Variants in NLGN1 observed in about 807,000 individuals in gnomAD.
NLGN1 encodes neuroligin-1.
A neutral mutation model predicts 65.5 loss-of-function variants in NLGN1; 12 were observed. The observed-to-expected ratio is 0.18, with a 90% confidence interval of 0.12 to 0.30. The LOEUF (loss-of-function observed/expected upper bound fraction) is 0.30. NLGN1 is among the 10% of genes least tolerant of loss of function. The pLI, the probability that NLGN1 is intolerant of heterozygous loss-of-function variation, is 1.00. For missense variants in NLGN1, 750 were observed against 1,007.1 expected, an observed-to-expected ratio of 0.74 and a Z score of 3.46; for synonymous variants, 350 against 359.5, an observed-to-expected ratio of 0.97 and a Z score of 0.30.
intron 4 of NLGN1, among the ~76,000 whole-genome samples, chr3:173,863,007 AGT>A (rs2150816423): frequency 6.6e-6 from 1 of 152,310 alleles, no homozygotes; most frequent in African/African-American, 2.4e-5. Flanking sequence ...GGTGGTATAT[AGT>A]AGTTGTGCTA....
chr3:173,738,099 T>A (rs180826454), intron 3 of NLGN1, among the ~76,000 whole-genome samples: 197 of 152,186 alleles, frequency 1.3e-3, no homozygotes, highest in African/African-American at 4.2e-3. Flanking sequence ...AATTTTTTTT[T>A]AAATTTTTAT....
intron 4 of NLGN1, among the ~76,000 whole-genome samples, chr3:174,182,309 G>T (rs1730595320): frequency 6.6e-6 from 1 of 152,138 alleles, no homozygotes; most frequent in African/African-American, 2.4e-5. Flanking sequence ...AATGCTTAAA[G>T]TAACACTCCC....
At chr3:173,641,322 T>C (rs1757379871) in intron 3 of NLGN1, among the ~76,000 whole-genome samples, 1 of 152,166 alleles carries the variant, frequency 6.6e-6, no homozygotes, top group Admixed American at 6.5e-5. Flanking sequence ...TTATTATTAT[T>C]ATTATTTTTT....
At chr3:173,830,131 A>G (rs998319377) in intron 4 of NLGN1, among the ~76,000 whole-genome samples, 1 of 152,140 alleles carries the variant, frequency 6.6e-6, no homozygotes, top group Non-Finnish European at 1.5e-5. Flanking sequence ...TCTTTTTAAT[A>G]TAGCAATCTA....
intron 4 of NLGN1, among the ~76,000 whole-genome samples, chr3:174,219,193 T>A (rs1738188020): frequency 6.6e-6 from 1 of 151,940 alleles, no homozygotes; most frequent in African/African-American, 2.4e-5. Flanking sequence ...CACCCTGGAG[T>A]AGGAACCAGG....
chr3:174,111,859 A>T (rs1190312369), intron 4 of NLGN1, among the ~76,000 whole-genome samples: 1 of 152,008 alleles, frequency 6.6e-6, no homozygotes, highest in Non-Finnish European at 1.5e-5. Flanking sequence ...AAAGTATGCC[A>T]TGAAGCAAGG....
At chr3:173,958,755 C>T (rs2152342984) in intron 4 of NLGN1, among the ~76,000 whole-genome samples, 1 of 152,324 alleles carries the variant, frequency 6.6e-6, no homozygotes, top group African/African-American at 2.4e-5. Flanking sequence ...TGTTTGCCTC[C>T]TGCCATTGTT....
chr3:173,873,916 T>G (rs538919457), intron 4 of NLGN1, among the ~76,000 whole-genome samples: 39 of 152,276 alleles, frequency 2.6e-4, no homozygotes, highest in Non-Finnish European at 4.9e-4. Flanking sequence ...AGGTCATATG[T>G]GTAGGCTCTA....
At chr3:173,979,348 T>C (rs1718257473) in intron 4 of NLGN1, among the ~76,000 whole-genome samples, 1 of 152,026 alleles carries the variant, frequency 6.6e-6, no homozygotes, top group Non-Finnish European at 1.5e-5. Context: ...ATCCAAGGAA[T>C]AGGGAAATAT....
chr3:174,065,002 T>C (rs1483825843), intron 4 of NLGN1, among the ~76,000 whole-genome samples: 4 of 151,738 alleles, frequency 2.6e-5, no homozygotes, highest in Admixed American at 6.6e-5. Context: ...CAATGAGGTG[T>C]CAAGTATTTT....
chr3:173,822,710 T>C (rs994946880), intron 4 of NLGN1, among the ~76,000 whole-genome samples: 1 of 152,082 alleles, frequency 6.6e-6, no homozygotes, highest in Non-Finnish European at 1.5e-5. Context: ...TCTGAATCAA[T>C]GGGTTTGAAT....
At chr3:174,211,458 C>A (rs867670842) in intron 4 of NLGN1, among the ~76,000 whole-genome samples, 1 of 151,720 alleles carries the variant, frequency 6.6e-6, no homozygotes, top group Non-Finnish European at 1.5e-5. Context: ...TACAGAGTGT[C>A]GGTTGTTGCA....
intron 4 of NLGN1, among the ~76,000 whole-genome samples, chr3:173,846,385 C>T (rs1479995889): frequency 3.3e-5 from 5 of 152,062 alleles, no homozygotes; most frequent in African/African-American, 1.2e-4. Flanking sequence ...TGGGACATTT[C>T]TGAGGGACAT....
At chr3:173,877,194 G>T (rs73182623) in intron 4 of NLGN1, among the ~76,000 whole-genome samples, 20,346 of 152,100 alleles carry the variant, frequency 0.13, 2,009 homozygotes, top group East Asian at 0.42. Context: ...TTAATTACTA[G>T]TACATAATAT....
At chr3:173,729,360 T>G (rs190956032) in intron 3 of NLGN1, among the ~76,000 whole-genome samples, 2 of 152,242 alleles carry the variant, frequency 1.3e-5, no homozygotes, top group African/African-American at 4.8e-5. Flanking sequence ...TTAGACTCCT[T>G]GGTCTTCTGT....
At chr3:173,673,175 T>C (rs1176858710) in intron 3 of NLGN1, among the ~76,000 whole-genome samples, 1 of 152,184 alleles carries the variant, frequency 6.6e-6, no homozygotes, top group Non-Finnish European at 1.5e-5. Context: ...ATCAGAATGG[T>C]ATTTTCTTGA....
At chr3:173,938,931 T>A (rs1470560184) in intron 4 of NLGN1, among the ~76,000 whole-genome samples, 5 of 152,188 alleles carry the variant, frequency 3.3e-5, no homozygotes, top group Admixed American at 6.5e-5. Flanking sequence ...GAGATATAAT[T>A]TGGGGTGAAA....
chr3:173,570,308 G>A (rs1744436455), intron 2 of NLGN1, among the ~76,000 whole-genome samples: 1 of 152,190 alleles, frequency 6.6e-6, no homozygotes, highest in African/African-American at 2.4e-5. Context: ...AAAGAGCAAG[G>A]TGGATTTGAA....
intron 4 of NLGN1, among the ~76,000 whole-genome samples, chr3:174,120,471 C>A (rs1717531323): frequency 6.6e-6 from 1 of 151,938 alleles, no homozygotes; most frequent in Non-Finnish European, 1.5e-5. Flanking sequence ...CATGCCACTG[C>A]ACCCCAGCCT....
Sources: allele counts gnomAD v4.1 joint callset (sites outside exome capture counted in the v4.1 genomes callset), GRCh38; gene constraint gnomAD v4.1.1; transcripts MANE v1.5; gene names NCBI Gene and HGNC (gene_info 2026-07-23, HGNC 2026-07-21).